The following CHRNA3 variants were observed in gnomAD, a reference collection of about 807,000 sequenced individuals.
CHRNA3 encodes the protein cholinergic receptor nicotinic alpha 3 subunit, also known as neuronal acetylcholine receptor subunit alpha-3.
CHRNA3 carries 34 observed loss-of-function variants against 41.9 expected under a neutral mutation model. The ratio of observed to expected loss-of-function variants is 0.81; its 90% confidence interval spans 0.62 to 1.08. CHRNA3 has a LOEUF of 1.08. Among genes scored for constraint, CHRNA3 ranks in the 50% least tolerant of loss-of-function variants. The pLI is 0.00. For missense variants in CHRNA3, 542 were observed against 638.3 expected, an observed-to-expected ratio of 0.85 and a Z score of 1.63; for synonymous variants, 281 against 265.2, an observed-to-expected ratio of 1.06 and a Z score of -0.58.
chr15:78,598,473 C>T (rs1432707418), intron 5 of CHRNA3, among the ~76,000 whole-genome samples: 2 of 151,664 alleles, frequency 1.3e-5, no homozygotes, highest in Non-Finnish European at 2.9e-5. Context: ...TGGCTTGCTG[C>T]AGCCTTGACC....
chr15:78,613,076 G>A (rs2053405238), intron 4 of CHRNA3, among the ~76,000 whole-genome samples: 1 of 152,220 alleles, frequency 6.6e-6, no homozygotes, highest in Admixed American at 6.5e-5. Context: ...AACAACAGAT[G>A]CTGGCGAGGA....
downstream of CHRNA3, chr15:78,595,143 G>A (rs1260349183): frequency 8.0e-6 from 2 of 249,980 alleles, no homozygotes; most frequent in South Asian, 1.5e-4. Flanking sequence ...CATTTAATGA[G>A]TGAAAGCCTG....
intron 1 of CHRNA3, chr15:78,620,390 A>C: frequency 2.9e-6 from 1 of 341,310 alleles, no homozygotes; most frequent in Non-Finnish European, 5.3e-6. Flanking sequence ...GGCGACGGGC[A>C]GCGCGGGGAC....
intron 4 of CHRNA3, among the ~76,000 whole-genome samples, chr15:78,603,887 G>A (rs1030130193): frequency 6.6e-6 from 1 of 152,142 alleles, no homozygotes; most frequent in Non-Finnish European, 1.5e-5. Context: ...AGGAAAAAGG[G>A]AGAGGTAGGA....
chr15:78,594,379 T>TA (rs1567067288), downstream of CHRNA3: 2 of 152,054 alleles, frequency 1.3e-5, no homozygotes, highest in Admixed American at 6.6e-5. Flanking sequence ...GAACCCCATT[T>TA]AAAAAACATA....
chr15:78,619,030 T>C, intron 1 of CHRNA3, 115 bp from the exon 2 acceptor site: 1 of 1,248,200 alleles, frequency 8.0e-7, no homozygotes, highest in Non-Finnish European at 1.1e-6. Context: ...GGGGATTCTG[T>C]GGAACCCTAG....
At chr15:78,609,947 C>G (rs1296429576) in intron 4 of CHRNA3, among the ~76,000 whole-genome samples, 1 of 152,078 alleles carries the variant, frequency 6.6e-6, no homozygotes, top group African/African-American at 2.4e-5. Context: ...TGATAAAACA[C>G]TTTAAACCAA....
At chr15:78,594,696 A>T (rs747116248), downstream of CHRNA3, 1 of 152,222 alleles carries the variant, frequency 6.6e-6, no homozygotes, top group Non-Finnish European at 1.5e-5. Flanking sequence ...TTTGGTCTAA[A>T]TCATTCTGTG....
chr15:78,608,341 G>C (rs757277406), intron 4 of CHRNA3, among the ~76,000 whole-genome samples: 6 of 152,158 alleles, frequency 3.9e-5, no homozygotes, highest in African/African-American at 7.2e-5. Context: ...CACCTCACAC[G>C]GCCGGGTACT....
chr15:78,619,130 GAGA>G, intron 1 of CHRNA3: 1 of 595,086 alleles, frequency 1.7e-6, no homozygotes. Context: ...CGCATTCAGT[GAGA>G]AGCACAGTGG....
At chr15:78,601,224 G>A (rs200916578) in intron 5 of CHRNA3, 29 bp downstream of exon 5, 3 of 1,595,652 alleles carry the variant, frequency 1.9e-6, no homozygotes, top group Non-Finnish European at 2.6e-6. Flanking sequence ...ATGAATGAAT[G>A]ACCAATGTAA....
intron 4 of CHRNA3, among the ~76,000 whole-genome samples, chr15:78,610,046 A>C (rs914585631): frequency 1.3e-5 from 2 of 152,232 alleles, no homozygotes; most frequent in Non-Finnish European, 1.5e-5. Flanking sequence ...ATATATAGGC[A>C]CCCAATACAG....
Position 78,595,937 on chromosome 15 carries a change from G to T in CHRNA3, c.*667C>A. ...CTCACCAGACACCAAATTTGCTGGT[G>T]CCTTGACCTTGGACCTCCCAACCTC... On this transcript the variant is annotated 3_prime_UTR_variant, in exon 6 of 6. Coordinates refer to ENST00000326828, the MANE Select transcript of CHRNA3 (RefSeq NM_000743.5). 2 of 482,926 alleles carry T rather than the reference G, an allele frequency of 4.1e-6. No individual in the cohort carries two copies. Among genetic ancestry groups the T allele is most frequent in the Non-Finnish European group, 5.4e-6 (2 of 371,908 alleles). 29.9% of individuals were successfully genotyped at this position (482,926 alleles called of 1,614,324 possible). A position where few individuals can be genotyped will look rare whatever the true frequency, so the allele number is the denominator to read the frequency against.
intron 4 of CHRNA3, among the ~76,000 whole-genome samples, chr15:78,605,265 A>G (rs2053265591): frequency 6.6e-6 from 1 of 152,124 alleles, no homozygotes; most frequent in Non-Finnish European, 1.5e-5. Context: ...CTTCAGAAAA[A>G]TAGGGCAACT....
intron 4 of CHRNA3, among the ~76,000 whole-genome samples, chr15:78,612,186 T>C (rs984544364): frequency 5.3e-5 from 8 of 152,040 alleles, no homozygotes; most frequent in African/African-American, 1.9e-4. Context: ...AAGCCACCAA[T>C]GACTTTCTTC....
chr15:78,613,791 A>G (rs1437989441), intron 4 of CHRNA3, among the ~76,000 whole-genome samples: 7 of 151,156 alleles, frequency 4.6e-5, no homozygotes, highest in African/African-American at 1.5e-4. Flanking sequence ...AAAAACCACA[A>G]AAAAATTAGC....
chr15:78,611,130 T>C (rs2053373481), intron 4 of CHRNA3, among the ~76,000 whole-genome samples: 1 of 152,196 alleles, frequency 6.6e-6, no homozygotes, highest in South Asian at 2.1e-4. Context: ...ACAGCTGAAT[T>C]CTATCAGAGG....
At chr15:78,616,629 G>A (rs969350510) in intron 4 of CHRNA3, among the ~76,000 whole-genome samples, 2 of 152,028 alleles carry the variant, frequency 1.3e-5, no homozygotes, top group Non-Finnish European at 2.9e-5. Flanking sequence ...CCAGCCTTAT[G>A]TCCCACAGTC....
chr15:78,617,010 C>A lies in CHRNA3; in HGVS notation c.377+14G>T, dbSNP rs372036270. Reference sequence around the variant, plus strand: ...TGACAGCCCTGAGAGGGCGTGGGCCCCCCAGCACCTTACTTGTTATACAGC... The same window carrying A: ...TGACAGCCCTGAGAGGGCGTGGGCCACCCAGCACCTTACTTGTTATACAGC... On this transcript the variant is annotated intron_variant, in intron 4 of 5. Transcript: ENST00000326828. 4.4e-6 allele frequency: 7 copies of A among 1,594,986 alleles called. No individual in the cohort carries two copies. The African/African-American group carries it at 9.4e-5, about 21-fold the overall frequency.
Sources: gnomAD v4.1 joint callset for allele counts (sites outside exome capture counted in the v4.1 genomes callset) on GRCh38, gnomAD v4.1.1 for gene constraint, MANE v1.5 for transcripts, NCBI Gene and HGNC (gene_info 2026-07-23, HGNC 2026-07-21) for gene names.